Variants in RAP1GAP observed in about 807,000 individuals in gnomAD.
The protein encoded by RAP1GAP is RAP1 GTPase activating protein.
Under a neutral mutation model 87.2 loss-of-function variants are expected in RAP1GAP, and 35 were observed. The observed-to-expected ratio is 0.40, with a 90% confidence interval of 0.31 to 0.53. The LOEUF (loss-of-function observed/expected upper bound fraction) is 0.53. Ranked by LOEUF, RAP1GAP falls within the 20% of genes least tolerant of loss-of-function variation. The pLI, the probability that RAP1GAP is intolerant of heterozygous loss-of-function variation, is 0.48. For missense variants in RAP1GAP, 734 were observed against 898.9 expected, an observed-to-expected ratio of 0.82 and a Z score of 2.35; for synonymous variants, 375 against 363.9, an observed-to-expected ratio of 1.03 and a Z score of -0.35.
Position 21,606,181 on chromosome 1 carries a change from C to T in RAP1GAP, c.1313G>A (p.Arg438His), listed in dbSNP as rs777201880. Reference protein sequence around the residue: ...FESFKRVIRSRSQSMDAMGLS... With the variant: ...FESFKRVIRSHSQSMDAMGLS... ...CCCCATGGCATCCATGGACTGGCTG[C>T]GGCTCCGGATGACCCGCTGTGAAGG... Residue 438 changes from arginine to histidine, a missense_variant, in exon 18 of 25, where the codon CGC becomes CAC. Physicochemically the swap from Arg to His is conservative, Grantham distance 29. Coordinates refer to ENST00000374765, the MANE Select transcript of RAP1GAP (RefSeq NM_002885.4). The T allele has an allele frequency of 3.2e-6, 5 of 1,583,104 alleles. No homozygotes were observed. Among genetic ancestry groups the T allele is most frequent in the Non-Finnish European group, 1.7e-6 (2 of 1,165,446 alleles).
Position 21,660,345 on chromosome 1 carries a change from A to ATATATATATATATATATATTTATT in RAP1GAP, c.-149+8908_-149+8909insAATAAATATATATATATATATATA. Among the ~76,000 whole-genome samples the ATATATATATATATATATATTTATT allele has an allele frequency of 1.5e-4, 14 of 92,638 alleles. 2 individuals carry two copies. Among genetic ancestry groups the ATATATATATATATATATATTTATT allele is most frequent in the Admixed American group, 2.4e-4 (2 of 8,504 alleles). 60.8% of individuals were successfully genotyped at this position (92,638 alleles called of 152,430 possible). ...AGAGTGGGTTCCAACTCAGCTATATATATTTATTGAGACAGTCTCGCTCTG... is the reference window on the plus strand; with the variant it reads ...AGAGTGGGTTCCAACTCAGCTATATATATATATATATATATATATTTATTTATTTATTGAGACAGTCTCGCTCTG... On this transcript the variant is annotated intron_variant, in intron 1 of 24. Coordinates refer to ENST00000374765, the MANE Select transcript of RAP1GAP (RefSeq NM_002885.4).
chr1:21,652,124 C>A (rs1281687724), intron 1 of RAP1GAP, among the ~76,000 whole-genome samples: 3 of 148,986 alleles, frequency 2.0e-5, no homozygotes, highest in East Asian at 2.0e-4. Flanking sequence ...CCGGCCGCCG[C>A]CCCCCGTCCA....
At position 21,669,150 on chromosome 1, in the gene RAP1GAP, T is replaced by C; in HGVS notation, c.-149+104A>G. On this transcript the variant is annotated intron_variant, in intron 1 of 24. Coordinates refer to ENST00000374765, the MANE Select transcript of RAP1GAP (RefSeq NM_002885.4). This position sits in a 1 kb window ranked among gnomAD's most constrained non-coding sequence, Gnocchi z 5.6. Reference sequence around the variant, plus strand: ...CCCACGCGTTCGCCCCCACCCTCCGTCCCCGCCCGCCCGCGCGGGGTCTTC... The same window carrying C: ...CCCACGCGTTCGCCCCCACCCTCCGCCCCCGCCCGCCCGCGCGGGGTCTTC... 1 of 1,156,426 alleles carries C rather than the reference T, an allele frequency of 8.6e-7. No homozygotes were observed. The highest frequency in any genetic ancestry group is 1.1e-6 in the Non-Finnish European group (1 of 918,464). 71.6% of individuals were successfully genotyped at this position (1,156,426 alleles called of 1,614,324 possible).
intron 2 of RAP1GAP, among the ~76,000 whole-genome samples, chr1:21,647,189 G>A (rs565865298): frequency 5.3e-5 from 8 of 152,300 alleles, no homozygotes; most frequent in African/African-American, 1.7e-4. Context: ...GAGAAAGTGG[G>A]GGCTAAGTTG....
chr1:21,637,005 G>C (rs1044892848), intron 2 of RAP1GAP, among the ~76,000 whole-genome samples: 3 of 151,602 alleles, frequency 2.0e-5, no homozygotes, highest in African/African-American at 7.3e-5. Context: ...GTAAGGTACC[G>C]AGCTCTGCAT....
intron 5 of RAP1GAP, among the ~76,000 whole-genome samples, chr1:21,618,360 G>A (rs1291908152): frequency 6.6e-6 from 1 of 152,166 alleles, no homozygotes; most frequent in Non-Finnish European, 1.5e-5. Flanking sequence ...CAGGCTTACT[G>A]CCCATGCACC....
At chr1:21,660,345 A>ATATATATATATATATATATATATATATT in intron 1 of RAP1GAP, among the ~76,000 whole-genome samples, 129 of 92,078 alleles carry the variant, frequency 1.4e-3, no homozygotes, top group Middle Eastern at 5.3e-3. Context: ...TCAGCTATAT[A>ATATATATATATATATATATATATATATT]TATTTATTGA....
At chr1:21,645,047 G>A (rs1360786263) in intron 2 of RAP1GAP, among the ~76,000 whole-genome samples, 1 of 152,196 alleles carries the variant, frequency 6.6e-6, no homozygotes, top group South Asian at 2.1e-4. Flanking sequence ...GTGAGGTGAA[G>A]TACTGCCCAA....
Position 21,613,610 on chromosome 1 carries a change from G to T in RAP1GAP, c.474+18C>A. The T allele has an allele frequency of 6.2e-7, 1 of 1,602,946 alleles. No individual in the cohort carries two copies. The highest frequency in any genetic ancestry group is 1.3e-5 in the African/African-American group (1 of 74,762). ...CTGCGGAGCCAGCCCGGGAAGCTCA[G>T]CGGAGCGGAGACCTCACCTTTGCCA... On this transcript the variant is annotated intron_variant, in intron 9 of 24. Transcript: ENST00000374765. The surrounding 1 kb of genome is among the most constrained non-coding windows in gnomAD (Gnocchi z 4.7).
intron 2 of RAP1GAP, among the ~76,000 whole-genome samples, chr1:21,639,328 G>T (rs1248027979): frequency 6.6e-6 from 1 of 152,186 alleles, no homozygotes; most frequent in Non-Finnish European, 1.5e-5. Flanking sequence ...CCTGTTTGTG[G>T]ATGGATTTGG....
intron 3 of RAP1GAP, among the ~76,000 whole-genome samples, chr1:21,625,045 C>A (rs116182320): frequency 6.6e-6 from 1 of 152,334 alleles, no homozygotes; most frequent in African/African-American, 2.4e-5. Context: ...AGCCCCGGAT[C>A]CACATGCCCC....
At chr1:21,619,523 C>A (rs1165952257) in intron 4 of RAP1GAP, among the ~76,000 whole-genome samples, 1 of 152,022 alleles carries the variant, frequency 6.6e-6, no homozygotes, top group Non-Finnish European at 1.5e-5. Flanking sequence ...TCAAGGCACT[C>A]CCATCCCAGC....
chr1:21,648,529 T>A (rs1397140696), intron 2 of RAP1GAP, among the ~76,000 whole-genome samples: 3 of 138,386 alleles, frequency 2.2e-5, no homozygotes, highest in African/African-American at 8.1e-5. Flanking sequence ...AGTCCCTAAC[T>A]CTGAGGTGTG....
At chr1:21,638,876 T>C (rs536635071) in intron 2 of RAP1GAP, among the ~76,000 whole-genome samples, 1 of 152,304 alleles carries the variant, frequency 6.6e-6, no homozygotes, top group South Asian at 2.1e-4. Context: ...GAAAAGAGAC[T>C]AAACACCATG....
At chr1:21,642,787 T>G (rs905194548) in intron 2 of RAP1GAP, among the ~76,000 whole-genome samples, 1 of 151,832 alleles carries the variant, frequency 6.6e-6, no homozygotes, top group Non-Finnish European at 1.5e-5. Flanking sequence ...ATCCAGCATG[T>G]GCCACCACAC....
intron 1 of RAP1GAP, among the ~76,000 whole-genome samples, chr1:21,659,759 G>C (rs1048756818): frequency 6.6e-6 from 1 of 152,226 alleles, no homozygotes; most frequent in South Asian, 2.1e-4. Context: ...TCACCCGTGC[G>C]CTGCAGCTCA....
chr1:21,665,591 G>A (rs1240651454), intron 1 of RAP1GAP, among the ~76,000 whole-genome samples: 2 of 152,200 alleles, frequency 1.3e-5, no homozygotes, highest in African/African-American at 4.8e-5. Flanking sequence ...CTGTTTTGGG[G>A]TGTCTCCCCA....
At chr1:21,607,940 A>G (rs1360783964) in intron 17 of RAP1GAP, among the ~76,000 whole-genome samples, 2 of 147,318 alleles carry the variant, frequency 1.4e-5, no homozygotes, top group African/African-American at 5.1e-5. Flanking sequence ...CCCGCAGGCG[A>G]GCGGCCTCTA....
At chr1:21,644,385 C>T (rs576447094) in intron 2 of RAP1GAP, among the ~76,000 whole-genome samples, 2 of 152,316 alleles carry the variant, frequency 1.3e-5, no homozygotes, top group East Asian at 3.9e-4. Flanking sequence ...GCTACTTAAG[C>T]TCCAATCTCA....
Sources: gnomAD v4.1 joint callset for allele counts (sites outside exome capture counted in the v4.1 genomes callset) on GRCh38, gnomAD v4.1.1 for gene constraint, Gnocchi (gnomAD v3.1) non-coding constraint, MANE v1.5 for transcripts, NCBI Gene and HGNC (gene_info 2026-07-23, HGNC 2026-07-21) for gene names.